MET: variants seen among roughly 807,000 people sequenced by gnomAD.
MET encodes the protein hepatocyte growth factor receptor.
A neutral mutation model predicts 133.1 loss-of-function variants in MET; 48 were observed. The observed-to-expected ratio is 0.36, with a 90% confidence interval of 0.29 to 0.46. MET has a LOEUF of 0.46. MET is among the 20% of genes least tolerant of loss of function. The pLI, the probability that MET is intolerant of heterozygous loss-of-function variation, is 1.00. For missense variants in MET, 1,442 were observed against 1,695.9 expected (o/e 0.85, Z 2.63); for synonymous variants, 628 against 616.5 (o/e 1.02, Z -0.28).
intron 19 of MET, among the ~76,000 whole-genome samples, chr7:116,793,701 C>A (rs2117100320): frequency 6.6e-6 from 1 of 151,932 alleles, no homozygotes; most frequent in African/African-American, 2.4e-5. Context: ...GAGTTAGAGA[C>A]CAGCCTGGCC....
intron 2 of MET, among the ~76,000 whole-genome samples, chr7:116,701,336 A>G (rs1273056732): frequency 6.6e-6 from 1 of 152,178 alleles, no homozygotes. Context: ...TCAATCTAAG[A>G]TATAAAGGTT....
intron 1 of MET, among the ~76,000 whole-genome samples, chr7:116,686,931 T>C (rs1796582699): frequency 6.6e-6 from 1 of 152,186 alleles, no homozygotes; most frequent in South Asian, 2.1e-4. Flanking sequence ...GCTCAAGTAG[T>C]ATCCCCTCTG....
At chr7:116,745,754 C>T (rs1205823537) in intron 5 of MET, among the ~76,000 whole-genome samples, 1 of 152,178 alleles carries the variant, frequency 6.6e-6, no homozygotes, top group Non-Finnish European at 1.5e-5. Flanking sequence ...TGGATCCCTT[C>T]CTTACACCTT....
chr7:116,757,373 A>G, intron 6 of MET, 64 bp from the exon 7 acceptor site: 1 of 1,358,006 alleles, frequency 7.4e-7, no homozygotes, highest in Non-Finnish European at 1.0e-6. Flanking sequence ...CACTTCCTAT[A>G]AAACAACCTA....
At chr7:116,716,958 C>T (rs746606050) in intron 2 of MET, among the ~76,000 whole-genome samples, 64 of 152,246 alleles carry the variant, frequency 4.2e-4, no homozygotes, top group African/African-American at 1.4e-3. Context: ...TAAATTTTGC[C>T]CCCCCCAGCT....
intron 1 of MET, among the ~76,000 whole-genome samples, chr7:116,694,748 G>T (rs1410405814): frequency 6.6e-6 from 1 of 151,844 alleles, no homozygotes; most frequent in Non-Finnish European, 1.5e-5. Context: ...GTGCAGTGGC[G>T]CAATCTCAAC....
intron 2 of MET, among the ~76,000 whole-genome samples, chr7:116,721,359 T>A (rs1028634509): frequency 2.0e-5 from 3 of 152,180 alleles, no homozygotes; most frequent in Non-Finnish European, 4.4e-5. Context: ...TTATTGTGTC[T>A]ATTTGATTCT....
At chr7:116,755,642 T>G in intron 6 of MET, 127 bp downstream of exon 6, 1 of 1,152,596 alleles carries the variant, frequency 8.7e-7, no homozygotes, top group Non-Finnish European at 1.3e-6. Context: ...GCCTGTCACA[T>G]GCCTTGTGGG....
At chr7:116,706,027 AT>A (rs1240159233) in intron 2 of MET, among the ~76,000 whole-genome samples, 3 of 152,036 alleles carry the variant, frequency 2.0e-5, no homozygotes, top group Admixed American at 6.6e-5. Flanking sequence ...TACATGGCTC[AT>A]TCACAAGTCT....
chr7:116,721,726 C>T (rs1209816075), intron 2 of MET, among the ~76,000 whole-genome samples: 1 of 151,744 alleles, frequency 6.6e-6, no homozygotes, highest in African/African-American at 2.4e-5. Flanking sequence ...TTATTTCTGC[C>T]TTCATTTCGT....
In MET at chr7:116,727,746, C is replaced by G. The variant is rs1792850561; in HGVS notation, c.1201-3922C>G. 2.0e-5 allele frequency among the ~76,000 whole-genome samples: 3 copies of G among 152,190 alleles called. No individual in the cohort carries two copies. In the South Asian group the frequency reaches 6.2e-4, roughly 32 times the overall value. ...TCTTCCAGCTAGGCCCCAGCCCCAC[C>G]TTAAATGCCACATCCAGGCACTGTG... On this transcript the variant is annotated intron_variant, in intron 2 of 20. Coordinates refer to ENST00000397752, the MANE Select transcript of MET (RefSeq NM_000245.4).
In MET at chr7:116,731,752, T is replaced by A. The variant is rs911380470; in HGVS notation, c.1285T>A (p.Leu429Ile). 6.2e-6 allele frequency: 10 copies of A among 1,614,150 alleles called. No homozygotes were observed. Among genetic ancestry groups the A allele is most frequent in the Non-Finnish European group, 5.1e-6 (6 of 1,179,988 alleles). Residue 429 changes from leucine to isoleucine, a missense_variant, in exon 3 of 21, where the codon TTA (leucine) becomes ATA (isoleucine). Physicochemically the swap from Leu to Ile is conservative, Grantham distance 5. This residue lies in a region of MET where 762 missense variants were observed against 792.4 expected (regional missense o/e 0.96). Coordinates refer to ENST00000397752, the MANE Select transcript of MET (RefSeq NM_000245.4). ...EFTTALQRVD[L>I]FMGQFSEVLL... Reference sequence around the variant, plus strand: ...TACCACAGCTTTGCAGCGCGTTGACTTATTCATGGGTCAATTCAGCGAAGT... The same window carrying A: ...TACCACAGCTTTGCAGCGCGTTGACATATTCATGGGTCAATTCAGCGAAGT...
chr7:116,796,080 G>A lies in MET; in HGVS notation c.4129G>A (p.Asp1377Asn), dbSNP rs189810227. ...GTTGTCATCAGAAGATAACGCTGAT[G>A]ATGAGGTGGACACACGACCAGCCTC... ...SLLSSEDNADDEVDTRPASFW... is the reference protein window; with the variant it reads ...SLLSSEDNADNEVDTRPASFW... The change falls in exon 21 of 21, where the codon GAT (aspartate) becomes AAT (asparagine). Residue 1377 changes from aspartate (D) to asparagine (N), a missense_variant. Asp to Asn is a conservative substitution (Grantham distance 23, BLOSUM62 1). Around this residue, in one of 6 missense-constraint regions of MET, gnomAD observed 94 missense variants for 109.5 expected, o/e 0.86. Transcript: ENST00000397752. 2 of 1,613,990 alleles carry A rather than the reference G, an allele frequency of 1.2e-6. No homozygotes were observed. Among genetic ancestry groups the A allele is most frequent in the African/African-American group, 1.3e-5 (1 of 75,042 alleles).
Position 116,770,021 on chromosome 7 carries a change from C to A in MET, c.2730+230C>A, listed in dbSNP as rs925951580. Reference sequence around the variant, plus strand: ...AGTTCTTTCTACCCACACTGCTTCTCCATCACGCCACACTCTTCCCAAAAT... The same window carrying A: ...AGTTCTTTCTACCCACACTGCTTCTACATCACGCCACACTCTTCCCAAAAT... On this transcript the variant is annotated intron_variant, in intron 12 of 20. Coordinates refer to ENST00000397752, the MANE Select transcript of MET (RefSeq NM_000245.4). 2.0e-5 allele frequency: 12 copies of A among 585,488 alleles called. No homozygotes were observed. The African/African-American group carries it at 2.1e-4, about 10-fold the overall frequency. 36.3% of individuals were successfully genotyped at this position (585,488 alleles called of 1,614,324 possible). A position where few individuals can be genotyped will look rare whatever the true frequency, so the allele number is the denominator to read the frequency against.
At position 116,757,448 on chromosome 7, in the gene MET, C is replaced by T. The variant is rs781257931; in HGVS notation, c.1874C>T (p.Thr625Ile). The T allele has an allele frequency of 2.5e-6, 4 of 1,612,946 alleles. No individual in the cohort carries two copies. The Admixed American group carries it at 6.7e-5, about 27-fold the overall frequency. Residue 625 changes from threonine to isoleucine, a missense_variant, in exon 7 of 21, where the codon ACA (threonine) becomes ATA (isoleucine). Thr to Ile is a moderately conservative substitution (Grantham distance 89). Coordinates refer to ENST00000397752, the MANE Select transcript of MET (RefSeq NM_000245.4). ...GGTTTTTTTTCCAGATTGAAATGCA[C>T]AGTTGGTCCTGCCATGAATAAGCAT... The part of the protein sequence containing the change: ...SESTMNTLKC[T>I]VGPAMNKHFN...
chr7:116,740,508 A>G (rs1746726236), intron 4 of MET, among the ~76,000 whole-genome samples: 2 of 152,200 alleles, frequency 1.3e-5, no homozygotes, highest in Admixed American at 1.3e-4. Flanking sequence ...CCAGAGATTC[A>G]AGTGTGTTTT....
chr7:116,758,743 G>C (rs1440486392), intron 9 of MET, 123 bp downstream of exon 9: 7 of 951,786 alleles, frequency 7.4e-6, no homozygotes, highest in African/African-American at 1.6e-5. Context: ...GCTTTTGAAG[G>C]CTTCTTTCCA....
Position 116,740,928 on chromosome 7 carries a change from T to C in MET, c.1604T>C (p.Phe535Ser), listed in dbSNP as rs1402713307. Residue 535 changes from phenylalanine (F) to serine (S), a missense_variant, in exon 5 of 21, where the codon TTT becomes TCT. By Grantham distance (155) the Phe-to-Ser change is radical. Around this residue, in one of 6 missense-constraint regions of MET, gnomAD observed 762 missense variants for 792.4 expected, o/e 0.96. Transcript: ENST00000397752. ...AGTCAATGCCTCTCTGCCCCACCCT[T>C]TGTTCAGTGTGGCTGGTGCCACGAC... ...SCSQCLSAPP[F>S]VQCGWCHDKC... 1 of 1,614,038 alleles carries C rather than the reference T, an allele frequency of 6.2e-7. No homozygotes were observed. The highest frequency in any genetic ancestry group is 1.3e-5 in the African/African-American group (1 of 74,914).
At chr7:116,778,695 C>A (rs1284246792) in intron 16 of MET, 81 bp from the exon 17 acceptor site, 27 of 1,426,960 alleles carry the variant, frequency 1.9e-5, no homozygotes, top group Non-Finnish European at 2.7e-5. Context: ...TTTACCATTT[C>A]ATTGCTCTTC....
Sources: gnomAD v4.1 joint callset for allele counts (sites outside exome capture counted in the v4.1 genomes callset) on GRCh38, gnomAD v4.1.1 for gene constraint, gnomAD v4.1.1 regional missense constraint, MANE v1.5 for transcripts, NCBI Gene and HGNC (gene_info 2026-07-23, HGNC 2026-07-21) for gene names.